The following SHANK1 variants were observed in gnomAD, a reference collection of about 807,000 sequenced individuals.
SHANK1 encodes the protein SH3 and multiple ankyrin repeat domains protein 1.
In SHANK1, 35 loss-of-function variants were observed where a neutral mutation model predicts 165.6. That is an observed-to-expected ratio of 0.21 (90% CI 0.16 to 0.28). SHANK1 has a LOEUF of 0.28. Among genes scored for constraint, SHANK1 ranks in the 10% least tolerant of loss-of-function variants. The pLI, the probability that SHANK1 is intolerant of heterozygous loss-of-function variation, is 1.00. For synonymous variants in SHANK1, 1,428 were observed against 1,384.8 expected, an observed-to-expected ratio of 1.03 and a Z score of -0.69; for missense variants, 2,681 against 3,036.4, an observed-to-expected ratio of 0.88 and a Z score of 2.75.
intron 6 of SHANK1, among the ~76,000 whole-genome samples, chr19:50,712,459 G>C (rs1355641260): frequency 6.6e-6 from 1 of 152,210 alleles, no homozygotes; most frequent in Admixed American, 6.5e-5. Context: ...CAGGTGGGTT[G>C]TTGGGGACAA....
Position 50,703,705 on chromosome 19 carries a change from C to T in SHANK1, c.1348G>A (p.Val450Met). The T allele has an allele frequency of 1.4e-6, 2 of 1,462,258 alleles. No individual in the cohort carries two copies. The highest frequency in any genetic ancestry group is 1.8e-6 in the Non-Finnish European group (2 of 1,109,134). The allele number at this position is 1,462,258 out of a possible 1,614,324, so 90.6% of individuals were successfully genotyped here. A position where few individuals can be genotyped will look rare whatever the true frequency, so the allele number is the denominator to read the frequency against. Residue 450 changes from valine (V) to methionine (M), a missense_variant, in exon 11 of 24, where the codon GTG becomes ATG. Val to Met is a conservative substitution (Grantham distance 21). Around this residue, in one of 10 missense-constraint regions of SHANK1, gnomAD observed 195 missense variants for 186.2 expected, o/e 1.05. Coordinates refer to ENST00000293441, the MANE Select transcript of SHANK1 (RefSeq NM_016148.5). ...DTSMALPDWM[V>M]FSAPGAASSG... The stretch of plus-strand genomic sequence containing the variant: ...GACGCGGCCCCCGGGGCGGAGAACA[C>T]CATCCAGTCGGGCAGCGCCATGCTG...
intron 5 of SHANK1, 104 bp downstream of exon 5, chr19:50,714,078 T>A: frequency 6.6e-7 from 1 of 1,517,396 alleles, no homozygotes; most frequent in Non-Finnish European, 9.0e-7. Flanking sequence ...GACAGCAATG[T>A]GTTTGGGAGA....
At chr19:50,715,066 CT>C (rs1306810656) in intron 4 of SHANK1, among the ~76,000 whole-genome samples, 1 of 151,998 alleles carries the variant, frequency 6.6e-6, no homozygotes, top group East Asian at 1.9e-4. Flanking sequence ...GGAGTTTTTC[CT>C]TCTCAAGGAT....
At chr19:50,701,445 G>A (rs1249020182) in intron 12 of SHANK1, among the ~76,000 whole-genome samples, 2 of 151,154 alleles carry the variant, frequency 1.3e-5, no homozygotes, top group Non-Finnish European at 2.9e-5. Flanking sequence ...CACCCTCCTC[G>A]GCCTCCGAAA....
chr19:50,716,851 G>A lies in SHANK1; in HGVS notation c.69C>T (p.Gly23=), dbSNP rs1275715198. Residue 23 remains glycine, a synonymous_variant, in exon 2 of 24, where the codon GGC becomes GGT. Coordinates refer to ENST00000293441, the MANE Select transcript of SHANK1 (RefSeq NM_016148.5). The surrounding 1 kb of genome is among the most constrained non-coding windows in gnomAD (Gnocchi z 8.4). ...CGTCTGGGGAGCTGTCGGACTCTGA[G>A]CCCCCCTCGGGACACTCGCTGGCAC... ...RHSASECPEG[G]SESDSSPDGP... is the part of the protein sequence containing the mutation. 3.9e-6 allele frequency: 6 copies of A among 1,539,688 alleles called. No homozygotes were observed. Among genetic ancestry groups the A allele is most frequent in the Non-Finnish European group, 5.2e-6 (6 of 1,146,508 alleles).
At chr19:50,669,654 A>G (rs542258059) in intron 22 of SHANK1, among the ~76,000 whole-genome samples, 5 of 152,298 alleles carry the variant, frequency 3.3e-5, no homozygotes, top group Admixed American at 6.5e-5. Flanking sequence ...GTTTATGCAT[A>G]GATGCGTGTT....
intron 12 of SHANK1, among the ~76,000 whole-genome samples, chr19:50,699,249 ATATT>A (rs1213752226): frequency 6.6e-6 from 1 of 152,220 alleles, no homozygotes; most frequent in African/African-American, 2.4e-5. Flanking sequence ...CACTGTAAAA[ATATT>A]TAGTTAGTGC....
intron 21 of SHANK1, among the ~76,000 whole-genome samples, chr19:50,679,197 G>GGTCAGTGTGATGGA: frequency 1.2e-5 from 1 of 83,406 alleles, no homozygotes; most frequent in African/African-American, 4.7e-5. Flanking sequence ...AGTGTGACGG[G>GGTCAGTGTGATGGA]GAGGGGTCAG....
intron 11 of SHANK1, 61 bp downstream of exon 11, chr19:50,703,439 C>T (rs952944071): frequency 1.4e-6 from 2 of 1,425,088 alleles, no homozygotes; most frequent in South Asian, 1.3e-5. Flanking sequence ...GGGGAAGCCG[C>T]CGATCTGGAG....
intron 21 of SHANK1, among the ~76,000 whole-genome samples, chr19:50,673,106 T>C (rs1019505464): frequency 3.9e-5 from 6 of 152,088 alleles, no homozygotes; most frequent in Non-Finnish European, 8.8e-5. Flanking sequence ...CAGCCCACGA[T>C]GGACGGATAC....
chr19:50,675,716 C>T (rs980922512), intron 21 of SHANK1, among the ~76,000 whole-genome samples: 2 of 152,100 alleles, frequency 1.3e-5, no homozygotes, highest in African/African-American at 4.8e-5. Flanking sequence ...AAAATATGGG[C>T]TGGTGCCAGG....
At chr19:50,691,014 C>A (rs957806300) in intron 15 of SHANK1, among the ~76,000 whole-genome samples, 4 of 152,154 alleles carry the variant, frequency 2.6e-5, no homozygotes, top group South Asian at 4.1e-4. Context: ...GCACCTAACA[C>A]CACGCATGTT....
In SHANK1 at chr19:50,711,458, C is replaced by A; in HGVS notation, c.990G>T (p.Leu330=). 1 of 1,570,858 alleles carries A rather than the reference C, an allele frequency of 6.4e-7. No individual in the cohort carries two copies. Among genetic ancestry groups the A allele is most frequent in the South Asian group, 1.2e-5 (1 of 85,126 alleles). ...CAGCCCCGTAGAAAAGCAGATGCTC[C>A]AGGTGCTGAGAGTGACCCCGCTGGC... ...QACQRGHSQH[L]EHLLFYGAEP... The change falls in exon 8 of 24, where the codon CTG becomes CTT. Residue 330 remains leucine (L), a synonymous_variant. Coordinates refer to ENST00000293441, the MANE Select transcript of SHANK1 (RefSeq NM_016148.5).
At chr19:50,671,180 C>CTTTTTTTTTTTT in intron 22 of SHANK1, among the ~76,000 whole-genome samples, 2 of 76,724 alleles carry the variant, frequency 2.6e-5, no homozygotes, top group Non-Finnish European at 4.6e-5. Context: ...TTTTTTCACT[C>CTTTTTTTTTTTT]TTTTTTTTTT....
At chr19:50,666,090 A>G (rs923619705) in intron 23 of SHANK1, 102 bp downstream of exon 23, 25 of 1,162,408 alleles carry the variant, frequency 2.2e-5, no homozygotes, top group Non-Finnish European at 2.8e-5. Flanking sequence ...ACTCCTGCCA[A>G]CCTGGTTTCT....
chr19:50,706,897 C>G (rs922715139), intron 8 of SHANK1, among the ~76,000 whole-genome samples: 5 of 152,064 alleles, frequency 3.3e-5, no homozygotes, highest in Admixed American at 6.6e-5. Flanking sequence ...CCTGCCTCAG[C>G]CTCCCAAGTA....
Position 50,716,789 on chromosome 19 carries a change from C to T in SHANK1, c.131G>A (p.Gly44Asp), listed in dbSNP as rs1462720685. The change falls in exon 2 of 24, where the codon GGC becomes GAC. Residue 44 changes from glycine (G) to aspartate (D), a missense_variant. Around this residue, in one of 10 missense-constraint regions of SHANK1, gnomAD observed 118 missense variants for 106.9 expected, o/e 1.10. Coordinates refer to ENST00000293441, the MANE Select transcript of SHANK1 (RefSeq NM_016148.5). This position sits in a 1 kb window ranked among gnomAD's most constrained non-coding sequence, Gnocchi z 8.4. ...GGCCAGGCTACCAGGTGCCCCACTG[C>T]CCTGGCCCCGGGTCCCCCGGGGGCC... ...GRGPRGTRGQGSGAPGSLASV... is the reference protein window; with the variant it reads ...GRGPRGTRGQDSGAPGSLASV... The T allele has an allele frequency of 1.9e-6, 3 of 1,601,916 alleles. No homozygotes were observed. Among genetic ancestry groups the T allele is most frequent in the African/African-American group, 2.7e-5 (2 of 74,094 alleles).
At position 50,703,574 on chromosome 19, in the gene SHANK1, C is replaced by A; in HGVS notation, c.1479G>T (p.Arg493=). ...GGGATGGAGAGCGGGCCCTGGCACC[C>A]CGGGGGCTGCTGGCACTTCGGAGGG... ...SGTLRSASSP[R]GARARSPSRG... Residue 493 remains arginine, a synonymous_variant, in exon 11 of 24, where the codon CGG becomes CGT. Coordinates refer to ENST00000293441, the MANE Select transcript of SHANK1 (RefSeq NM_016148.5). 1 of 1,556,464 alleles carries A rather than the reference C, an allele frequency of 6.4e-7. No homozygotes were observed. Among genetic ancestry groups the A allele is most frequent in the East Asian group, 2.4e-5 (1 of 42,166 alleles).
Position 50,667,702 on chromosome 19 carries a change from G to T in SHANK1, c.4258C>A (p.Leu1420Met). The change falls in exon 23 of 24, where the codon CTG becomes ATG. Residue 1420 changes from leucine to methionine, a missense_variant. Leu to Met is a conservative substitution (Grantham distance 15). This residue lies in a region of SHANK1 where 1,713 missense variants were observed against 1,630.2 expected (regional missense o/e 1.05). Coordinates refer to ENST00000293441, the MANE Select transcript of SHANK1 (RefSeq NM_016148.5). This position sits in a 1 kb window ranked among gnomAD's most constrained non-coding sequence, Gnocchi z 5.7. ...CTGCCCAGCCCGGCCCTGTACCCCA[G>T]CTCCCGGCGCGCAGGGTCCGGCGGG... ...ASPPDPARRE[L>M]GYRAGLGSQE... 7.4e-7 allele frequency: 1 copy of T among 1,345,008 alleles called. No homozygotes were observed. The highest frequency in any genetic ancestry group is 9.5e-7 in the Non-Finnish European group (1 of 1,054,602). 83.3% of individuals were successfully genotyped at this position (1,345,008 alleles called of 1,614,324 possible).
Sources: allele counts gnomAD v4.1 joint callset (sites outside exome capture counted in the v4.1 genomes callset), GRCh38; gene constraint gnomAD v4.1.1; regional missense constraint gnomAD v4.1.1; non-coding constraint Gnocchi (gnomAD v3.1); transcripts MANE v1.5; gene names NCBI Gene and HGNC (gene_info 2026-07-23, HGNC 2026-07-21).